Variants in KATNAL2 observed in about 807,000 individuals in gnomAD.
KATNAL2 encodes the protein katanin catalytic subunit A1 like 2.
KATNAL2 carries 52 observed loss-of-function variants against 76.3 expected under a neutral mutation model. The ratio of observed to expected loss-of-function variants is 0.68; its 90% CI spans 0.55 to 0.86. The LOEUF (loss-of-function observed/expected upper bound fraction) is 0.86. Ranked by LOEUF, KATNAL2 falls within the 40% of genes least tolerant of loss-of-function variation. The pLI is 0.00. For missense variants in KATNAL2, 660 were observed against 668.9 expected (o/e 0.99, Z 0.15); for synonymous variants, 243 against 244.2 (o/e 1.00, Z 0.05).
chr18:46,947,808 A>G (rs2059425227), intron 3 of KATNAL2, among the ~76,000 whole-genome samples: 1 of 152,158 alleles, frequency 6.6e-6, no homozygotes, highest in East Asian at 1.9e-4. Flanking sequence ...CTTCATACCC[A>G]TTATGGTTAC....
At chr18:46,933,099 T>C (rs926948810) in intron 1 of KATNAL2, among the ~76,000 whole-genome samples, 1 of 151,980 alleles carries the variant, frequency 6.6e-6, no homozygotes, top group Non-Finnish European at 1.5e-5. Flanking sequence ...AAACTGCAAA[T>C]TTACCTCAGG....
intron 5 of KATNAL2, among the ~76,000 whole-genome samples, chr18:47,053,965 A>G (rs72921366): frequency 0.026 from 3,934 of 152,274 alleles, 65 homozygotes; most frequent in Non-Finnish European, 0.041. Context: ...TTCTCCTATG[A>G]TATTGGACAC....
chr18:46,926,809 T>C (rs912445251), intron 1 of KATNAL2, among the ~76,000 whole-genome samples: 3 of 152,214 alleles, frequency 2.0e-5, no homozygotes, highest in African/African-American at 7.2e-5. Context: ...TTAGCTCTTC[T>C]TGTTGAATTG....
intron 1 of KATNAL2, among the ~76,000 whole-genome samples, chr18:46,928,490 C>G (rs986160614): frequency 1.1e-4 from 17 of 152,090 alleles, no homozygotes; most frequent in African/African-American, 3.9e-4. Context: ...GTCAGTCTGC[C>G]CCTACTGGGG....
intron 3 of KATNAL2, among the ~76,000 whole-genome samples, chr18:46,953,255 T>G (rs1455477377): frequency 6.6e-6 from 1 of 152,208 alleles, no homozygotes; most frequent in African/African-American, 2.4e-5. Flanking sequence ...CTTATGTTCC[T>G]TTTTGCATTT....
At chr18:47,049,707 G>T (rs1439086978) in intron 4 of KATNAL2, among the ~76,000 whole-genome samples, 1 of 152,014 alleles carries the variant, frequency 6.6e-6, no homozygotes, top group Non-Finnish European at 1.5e-5. Context: ...GCTTTTCCAG[G>T]GTTTTGTTAT....
chr18:47,050,886 C>A (rs773733249), intron 4 of KATNAL2, among the ~76,000 whole-genome samples: 1 of 152,100 alleles, frequency 6.6e-6, no homozygotes, highest in Non-Finnish European at 1.5e-5. Context: ...CTGGCAGAGG[C>A]ACAGAGGAAG....
chr18:47,075,425 T>C, intron 14 of KATNAL2, 57 bp downstream of exon 14: 1 of 1,272,246 alleles, frequency 7.9e-7, no homozygotes. Context: ...GCTTCTCCCC[T>C]CTTGTGTGTT....
chr18:47,034,197 C>T (rs2060639525), intron 3 of KATNAL2: 1 of 1,613,938 alleles, frequency 6.2e-7, no homozygotes, highest in Non-Finnish European at 8.5e-7. Flanking sequence ...ACGTTCTGTC[C>T]AAATGAGCAG....
chr18:46,960,427 C>CAA (rs754973661), intron 3 of KATNAL2, among the ~76,000 whole-genome samples: 3,436 of 140,430 alleles, frequency 0.024, 69 homozygotes, highest in Middle Eastern at 0.05. Context: ...AGCGAAACTT[C>CAA]AAAAAAAAAA....
chr18:47,061,622 G>T (rs977967212), intron 8 of KATNAL2, among the ~76,000 whole-genome samples: 4 of 152,156 alleles, frequency 2.6e-5, no homozygotes, highest in Non-Finnish European at 1.5e-5. Context: ...TAGGTATGTT[G>T]TTCTTGAGGG....
At chr18:47,074,702 G>A (rs1208112524) in intron 13 of KATNAL2, among the ~76,000 whole-genome samples, 1 of 152,050 alleles carries the variant, frequency 6.6e-6, no homozygotes, top group East Asian at 1.9e-4. Flanking sequence ...ATTCAATTGA[G>A]AATTGCCTTC....
At chr18:47,076,493 G>A (rs2289131) in intron 14 of KATNAL2, 10,319 of 152,066 alleles carry the variant, frequency 0.068, 426 homozygotes, top group East Asian at 0.12. Flanking sequence ...TTGTTGTTAC[G>A]TGTGCTTTGT....
At chr18:46,952,228 A>G (rs1170163893) in intron 3 of KATNAL2, among the ~76,000 whole-genome samples, 1 of 151,754 alleles carries the variant, frequency 6.6e-6, no homozygotes, top group Non-Finnish European at 1.5e-5. Context: ...GTGCACCACC[A>G]CACCTGGTTA....
intron 3 of KATNAL2, chr18:47,032,760 T>G (rs949571415): frequency 1.4e-5 from 9 of 656,392 alleles, no homozygotes; most frequent in Admixed American, 6.3e-5. Flanking sequence ...ACATCCAAAA[T>G]AGAATTGTTC....
chr18:46,945,141 C>G (rs558734490), intron 1 of KATNAL2, among the ~76,000 whole-genome samples: 47 of 152,294 alleles, frequency 3.1e-4, no homozygotes, highest in Admixed American at 1.5e-3. Context: ...ACCAGCTTTA[C>G]CATCTTATTG....
At chr18:47,031,398 A>C (rs540593047) in intron 3 of KATNAL2, among the ~76,000 whole-genome samples, 1 of 150,914 alleles carries the variant, frequency 6.6e-6, no homozygotes, top group Admixed American at 6.6e-5. Flanking sequence ...TTCTCGTGTG[A>C]CTTTTTTTGT....
intron 1 of KATNAL2, among the ~76,000 whole-genome samples, chr18:46,945,422 G>A (rs2059359056): frequency 6.6e-6 from 1 of 152,222 alleles, no homozygotes; most frequent in Non-Finnish European, 1.5e-5. Flanking sequence ...TTCTTATGCA[G>A]CAGGGGTGAG....
chr18:46,927,614 G>C (rs2058769758), intron 1 of KATNAL2, among the ~76,000 whole-genome samples: 1 of 152,096 alleles, frequency 6.6e-6, no homozygotes, highest in Non-Finnish European at 1.5e-5. Context: ...TGTATTTCCT[G>C]AATCTGAATG....
Sources: allele counts gnomAD v4.1 joint callset (sites outside exome capture counted in the v4.1 genomes callset), GRCh38; gene constraint gnomAD v4.1.1; transcripts MANE v1.5; gene names NCBI Gene and HGNC (gene_info 2026-07-23, HGNC 2026-07-21).